Variants in CD46 observed in about 807,000 individuals in gnomAD.
CD46 encodes CD46 molecule.
CD46 carries 30 observed loss-of-function variants against 53.3 expected under a neutral mutation model. The ratio of observed to expected loss-of-function variants is 0.56; its 90% CI spans 0.42 to 0.76. The LOEUF (loss-of-function observed/expected upper bound fraction) is 0.76. Among genes scored for constraint, CD46 ranks in the 30% least tolerant of loss-of-function variants. The pLI, the probability that CD46 is intolerant of heterozygous loss-of-function variation, is 0.00. For synonymous variants in CD46, 142 were observed against 152.0 expected, an observed-to-expected ratio of 0.93 and a Z score of 0.48; for missense variants, 409 against 463.0, an observed-to-expected ratio of 0.88 and a Z score of 1.07.
chr1:207,769,473 A>G (rs1440137263), intron 7 of CD46: 1 of 152,178 alleles, frequency 6.6e-6, no homozygotes, highest in Non-Finnish European at 1.5e-5. Context: ...ACGTTTGTTG[A>G]TACAGTCTTT....
intron 8 of CD46, among the ~76,000 whole-genome samples, chr1:207,772,515 G>A (rs561229436): frequency 3.7e-4 from 56 of 152,162 alleles, no homozygotes; most frequent in Non-Finnish European, 5.7e-4. Flanking sequence ...TTGCCCATTC[G>A]GTATGATATT....
intron 9 of CD46, chr1:207,783,578 C>A: frequency 3.1e-6 from 1 of 326,068 alleles, no homozygotes; most frequent in Admixed American, 4.5e-5. Context: ...AACCTTAAAG[C>A]AATCTAAGTT....
intron 3 of CD46, among the ~76,000 whole-genome samples, chr1:207,758,487 C>G (rs1274570368): frequency 6.6e-6 from 1 of 152,094 alleles, no homozygotes; most frequent in Non-Finnish European, 1.5e-5. Flanking sequence ...GTAATGAATC[C>G]AAGCCTACAA....
intron 7 of CD46, 122 bp from the exon 8 acceptor site, chr1:207,770,199 C>T (rs1553252331): frequency 2.8e-5 from 21 of 755,914 alleles, no homozygotes; most frequent in Non-Finnish European, 2.3e-6. Context: ...TGTGGAATTG[C>T]AAAGTTTGTA....
In CD46 at chr1:207,786,869, C is replaced by T. The variant is rs553500097; in HGVS notation, c.1082+1187C>T. Among the ~76,000 whole-genome samples the T allele has an allele frequency of 1.2e-4, 18 of 152,196 alleles. 1 individual carries two copies. The South Asian group carries it at 2.5e-3, about 21-fold the overall frequency. On this transcript the variant is annotated intron_variant, in intron 11 of 12. Coordinates refer to ENST00000367042, the MANE Select transcript of CD46 (RefSeq NM_172351.3). Reference sequence around the variant, plus strand: ...TATTCTAAAAGTTACATATCTACAACGTGAGTACAAAATATTATCAATGGA... The same window carrying T: ...TATTCTAAAAGTTACATATCTACAATGTGAGTACAAAATATTATCAATGGA...
chr1:207,771,152 G>A (rs1657471078), intron 8 of CD46, among the ~76,000 whole-genome samples: 1 of 152,214 alleles, frequency 6.6e-6, no homozygotes, highest in Admixed American at 6.5e-5. Flanking sequence ...GATGACCAGT[G>A]ATGATGAGCA....
At chr1:207,783,254 T>C (rs764822196) in intron 8 of CD46, 38 bp from the exon 9 acceptor site, 3 of 1,120,886 alleles carry the variant, frequency 2.7e-6, no homozygotes, top group Non-Finnish European at 4.1e-6. Flanking sequence ...TCTTTCCTTC[T>C]TTTATTAATT....
At chr1:207,784,191 G>GATT (rs761686057) in intron 9 of CD46, among the ~76,000 whole-genome samples, 6 of 152,096 alleles carry the variant, frequency 3.9e-5, no homozygotes. Context: ...ATGGGAAGGG[G>GATT]ATTGATAAGA....
chr1:207,758,475 T>C (rs1015219397), intron 3 of CD46, among the ~76,000 whole-genome samples: 1 of 152,120 alleles, frequency 6.6e-6, no homozygotes, highest in African/African-American at 2.4e-5. Flanking sequence ...CGTGCTCTTA[T>C]GGTAATGAAT....
chr1:207,779,720 A>G (rs1322574313), intron 8 of CD46, among the ~76,000 whole-genome samples: 1 of 152,064 alleles, frequency 6.6e-6, no homozygotes, highest in African/African-American at 2.4e-5. Context: ...ATATAATGAG[A>G]TATATGGTTC....
chr1:207,764,472 C>T (rs560334279), intron 5 of CD46, among the ~76,000 whole-genome samples: 2 of 152,282 alleles, frequency 1.3e-5, no homozygotes, highest in Non-Finnish European at 2.9e-5. Context: ...ACGTCCACCC[C>T]GTATGTGTTT....
chr1:207,764,134 G>A (rs1343416053), intron 5 of CD46, among the ~76,000 whole-genome samples: 2 of 152,114 alleles, frequency 1.3e-5, no homozygotes, highest in African/African-American at 2.4e-5. Flanking sequence ...CTCAGGTGGC[G>A]CCTTGTGATA....
intron 8 of CD46, among the ~76,000 whole-genome samples, chr1:207,771,953 T>A (rs1172627509): frequency 6.6e-6 from 1 of 152,228 alleles, no homozygotes; most frequent in Non-Finnish European, 1.5e-5. Context: ...GGTAGCTTGA[T>A]GTGGATAGCA....
At chr1:207,777,989 T>C (rs1235061351) in intron 8 of CD46, among the ~76,000 whole-genome samples, 2 of 152,212 alleles carry the variant, frequency 1.3e-5, no homozygotes, top group African/African-American at 2.4e-5. Flanking sequence ...TTCTGACTGG[T>C]GTGAAATGGT....
chr1:207,784,932 GA>G (rs1659137241), intron 9 of CD46, 138 bp from the exon 10 acceptor site: 8 of 730,390 alleles, frequency 1.1e-5, no homozygotes, highest in Non-Finnish European at 2.0e-5. Flanking sequence ...AACACGTGGG[GA>G]TTATGGGAAT....
intron 8 of CD46, among the ~76,000 whole-genome samples, chr1:207,778,107 C>CATTAAA (rs1658314504): frequency 6.6e-6 from 1 of 152,094 alleles, no homozygotes; most frequent in Non-Finnish European, 1.5e-5. Context: ...AGTGTCTGTT[C>CATTAAA]ACGTGCTTTG....
intron 1 of CD46, among the ~76,000 whole-genome samples, chr1:207,754,422 C>G (rs909184031): frequency 3.9e-5 from 6 of 152,178 alleles, no homozygotes; most frequent in African/African-American, 1.4e-4. Flanking sequence ...CAACCCAGTT[C>G]AAGTCCCTCT....
chr1:207,761,478 G>A (rs1222303315), intron 5 of CD46, 32 bp downstream of exon 5: 4 of 1,551,562 alleles, frequency 2.6e-6, no homozygotes. Context: ...TTCTTCATTT[G>A]TAAATACTAT....
In CD46 at chr1:207,759,638, G is replaced by GTTA; in HGVS notation, c.393_395dup (p.Tyr132dup). 1 of 1,503,320 alleles carries GTTA rather than the reference G, an allele frequency of 6.7e-7. No individual in the cohort carries two copies. The highest frequency in any genetic ancestry group is 9.3e-7 in the Non-Finnish European group (1 of 1,080,278). 93.1% of individuals were successfully genotyped at this position (1,503,320 alleles called of 1,614,324 possible). A position where few individuals can be genotyped will look rare whatever the true frequency, so the allele number is the denominator to read the frequency against. On this transcript the variant is annotated inframe_insertion and splice_region_variant. Transcript: ENST00000367042. ...CAGTAACCCTTTCTTTTCTCATTTA[G>GTTA]TTATTACTTAATTGGTGAAGAAATT...
Sources: allele counts gnomAD v4.1 joint callset (sites outside exome capture counted in the v4.1 genomes callset), GRCh38; gene constraint gnomAD v4.1.1; transcripts MANE v1.5; gene names NCBI Gene and HGNC (gene_info 2026-07-23, HGNC 2026-07-21).